The following GRM7 variants were observed in gnomAD, a reference collection of about 807,000 sequenced individuals.
GRM7 encodes glutamate metabotropic receptor 7.
In GRM7, 35 loss-of-function variants were observed where a neutral mutation model predicts 84.5. The ratio of observed to expected loss-of-function variants is 0.41; its 90% CI spans 0.32 to 0.55. GRM7 has a LOEUF of 0.55. GRM7 is among the 20% of genes least tolerant of loss of function. The pLI is 0.19. For missense variants in GRM7, 1,003 were observed against 1,194.6 expected, an observed-to-expected ratio of 0.84 and a Z score of 2.36; for synonymous variants, 487 against 455.1, an observed-to-expected ratio of 1.07 and a Z score of -0.89.
intron 8 of GRM7, among the ~76,000 whole-genome samples, chr3:7,580,188 C>T (rs1293377849): frequency 6.6e-6 from 1 of 152,200 alleles, no homozygotes; most frequent in Non-Finnish European, 1.5e-5. Flanking sequence ...TACTCACCCA[C>T]GTGGCTATAG....
intron 1 of GRM7, among the ~76,000 whole-genome samples, chr3:6,973,737 C>T (rs1316880209): frequency 6.6e-6 from 1 of 152,112 alleles, no homozygotes; most frequent in Non-Finnish European, 1.5e-5. Context: ...CTAGAATATT[C>T]AAAGAGCAGC....
At chr3:7,139,195 G>C (rs1419682283) in intron 1 of GRM7, among the ~76,000 whole-genome samples, 1 of 150,490 alleles carries the variant, frequency 6.6e-6, no homozygotes, top group Non-Finnish European at 1.5e-5. Flanking sequence ...AATTGGTAAA[G>C]AGAGAAAGAA....
chr3:6,935,081 C>A (rs1217870050), intron 1 of GRM7, among the ~76,000 whole-genome samples: 2 of 152,142 alleles, frequency 1.3e-5, no homozygotes, highest in African/African-American at 2.4e-5. Flanking sequence ...AACCCTAGAA[C>A]AAACATGAAA....
At chr3:7,136,605 AGAC>A (rs1404692168) in intron 1 of GRM7, among the ~76,000 whole-genome samples, 1 of 152,136 alleles carries the variant, frequency 6.6e-6, no homozygotes, top group Non-Finnish European at 1.5e-5. Flanking sequence ...AGCCCATCAG[AGAC>A]CTACCCAGGA....
intron 9 of GRM7, among the ~76,000 whole-genome samples, chr3:7,710,894 C>G (rs934928932): frequency 2.6e-5 from 4 of 152,178 alleles, no homozygotes; most frequent in African/African-American, 9.7e-5. Context: ...CCTTTTTCAC[C>G]TGTCTCAACC....
At chr3:7,001,952 A>T (rs1414591450) in intron 1 of GRM7, among the ~76,000 whole-genome samples, 1 of 152,198 alleles carries the variant, frequency 6.6e-6, no homozygotes, top group African/African-American at 2.4e-5. Flanking sequence ...CCCTAAGCCA[A>T]TTACTTAGTG....
Position 7,648,077 on chromosome 3 carries a change from T to G in GRM7, c.2452-31972T>G, listed in dbSNP as rs529316568. ...CAGTGCTCAGTAGAGGCCCTAGATG[T>G]AAACCAGGACACAACTTATTTGTGT... On this transcript the variant is annotated intron_variant, in intron 8 of 9. Coordinates refer to ENST00000357716, the MANE Select transcript of GRM7 (RefSeq NM_000844.4). Among the ~76,000 whole-genome samples, 146 of 152,238 alleles carry G rather than the reference T, an allele frequency of 9.6e-4. 2 individuals carry two copies. The South Asian group carries it at 0.028, about 29-fold the overall frequency.
At chr3:7,556,540 G>A (rs1693767925) in intron 7 of GRM7, among the ~76,000 whole-genome samples, 1 of 152,082 alleles carries the variant, frequency 6.6e-6, no homozygotes, top group South Asian at 2.1e-4. Context: ...CATTATTTTG[G>A]TATTTATTTG....
At chr3:7,212,195 T>C (rs1183893220) in intron 2 of GRM7, among the ~76,000 whole-genome samples, 1 of 75,762 alleles carries the variant, frequency 1.3e-5, no homozygotes, top group African/African-American at 8.9e-5. Flanking sequence ...TTCCTTTGGG[T>C]CTTTTTTTTT....
chr3:7,151,793 G>A lies in GRM7; in HGVS notation c.736+5125G>A, dbSNP rs116095209. Reference sequence around the variant, plus strand: ...TCCTAGATCTGCTTGCTGTGGTTTAGTACAGTTGCTTTCACTCTGAATTTA... The same window carrying A: ...TCCTAGATCTGCTTGCTGTGGTTTAATACAGTTGCTTTCACTCTGAATTTA... On this transcript the variant is annotated intron_variant, in intron 2 of 9. Transcript: ENST00000357716. The surrounding 1 kb of genome is among the most constrained non-coding windows in gnomAD (Gnocchi z 4.5). Among the ~76,000 whole-genome samples the A allele has an allele frequency of 1.9e-3, 292 of 152,112 alleles. No individual in the cohort carries two copies. The highest frequency in any genetic ancestry group is 6.5e-3 in the African/African-American group (270 of 41,518).
At chr3:7,410,409 A>G (rs1236794859) in intron 4 of GRM7, among the ~76,000 whole-genome samples, 1 of 151,824 alleles carries the variant, frequency 6.6e-6, no homozygotes, top group African/African-American at 2.4e-5. Context: ...TATCTCTACA[A>G]AAAAAATACA....
intron 2 of GRM7, among the ~76,000 whole-genome samples, chr3:7,261,256 A>G (rs1456059501): frequency 6.6e-6 from 1 of 152,000 alleles, no homozygotes; most frequent in East Asian, 1.9e-4. Context: ...CTTGCATTAA[A>G]CCTTCCTGTA....
intron 5 of GRM7, among the ~76,000 whole-genome samples, chr3:7,433,029 C>T (rs1575327698): frequency 6.6e-6 from 1 of 151,920 alleles, no homozygotes. Flanking sequence ...CCAGACTATG[C>T]CAACCAGAAT....
At chr3:7,427,257 A>G (rs1056544871) in intron 5 of GRM7, among the ~76,000 whole-genome samples, 4 of 152,250 alleles carry the variant, frequency 2.6e-5, no homozygotes, top group Non-Finnish European at 4.4e-5. Flanking sequence ...TGACAGGAAT[A>G]GAGAACTAAG....
chr3:7,284,979 G>A (rs1365653997), intron 2 of GRM7, among the ~76,000 whole-genome samples: 1 of 152,138 alleles, frequency 6.6e-6, no homozygotes, highest in African/African-American at 2.4e-5. Flanking sequence ...TACTGCAGCA[G>A]TTATTTAGAA....
At chr3:7,275,467 C>T (rs149329848) in intron 2 of GRM7, among the ~76,000 whole-genome samples, 57 of 152,126 alleles carry the variant, frequency 3.7e-4, no homozygotes, top group Non-Finnish European at 6.8e-4. Context: ...GATTATGTCT[C>T]AGTTTTTCAG....
chr3:7,469,651 C>G (rs1324864755), intron 7 of GRM7, among the ~76,000 whole-genome samples: 1 of 152,168 alleles, frequency 6.6e-6, no homozygotes, highest in Non-Finnish European at 1.5e-5. Context: ...TCTCTAATCA[C>G]ACCCTGCCTG....
At chr3:7,002,892 A>T (rs1695064560) in intron 1 of GRM7, among the ~76,000 whole-genome samples, 3 of 152,202 alleles carry the variant, frequency 2.0e-5, no homozygotes, top group African/African-American at 7.2e-5. Context: ...TACACAATGG[A>T]ATACTATACA....
At chr3:7,596,009 C>A (rs555279236) in intron 8 of GRM7, among the ~76,000 whole-genome samples, 1 of 152,248 alleles carries the variant, frequency 6.6e-6, no homozygotes, top group South Asian at 2.1e-4. Context: ...AAAGTGGAAG[C>A]AGGAAGATAA....
Sources: allele counts gnomAD v4.1 joint callset (sites outside exome capture counted in the v4.1 genomes callset), GRCh38; gene constraint gnomAD v4.1.1; non-coding constraint Gnocchi (gnomAD v3.1); transcripts MANE v1.5; gene names NCBI Gene and HGNC (gene_info 2026-07-23, HGNC 2026-07-21).